RPGRIP1L: variants seen among roughly 807,000 people sequenced by gnomAD.
RPGRIP1L encodes the protein protein fantom.
RPGRIP1L carries 131 observed loss-of-function variants against 160.4 expected under a neutral mutation model. That is an observed-to-expected ratio of 0.82 (90% CI 0.71 to 0.94). The LOEUF (loss-of-function observed/expected upper bound fraction) is 0.94. RPGRIP1L is among the 40% of genes least tolerant of loss of function. RPGRIP1L has a pLI of 0.00. For missense variants in RPGRIP1L, 1,522 were observed against 1,535.8 expected (o/e 0.99, Z 0.15); for synonymous variants, 510 against 515.8 (o/e 0.99, Z 0.15).
intron 17 of RPGRIP1L, 33 bp from the exon 18 acceptor site, chr16:53,641,508 G>GAGTGA (rs745744806): frequency 1.3e-6 from 2 of 1,567,862 alleles, no homozygotes; most frequent in Non-Finnish European, 1.8e-6. Flanking sequence ...ATTAATGCTA[G>GAGTGA]AGTGAAGTTT....
chr16:53,619,404 C>G (rs1028463721), intron 23 of RPGRIP1L, among the ~76,000 whole-genome samples, 196 bp from the exon 24 acceptor site: 1 of 152,104 alleles, frequency 6.6e-6, no homozygotes, highest in African/African-American at 2.4e-5. Context: ...ATGCTAATGC[C>G]CCAGGGTTTG....
intron 24 of RPGRIP1L, among the ~76,000 whole-genome samples, chr16:53,616,518 C>A (rs561636279): frequency 3.3e-5 from 5 of 152,090 alleles, no homozygotes; most frequent in East Asian, 1.9e-4. Context: ...CTTCTAAGCA[C>A]GGAGTACATT....
At chr16:53,683,691 CAA>C (rs549418277) in intron 6 of RPGRIP1L, among the ~76,000 whole-genome samples, 10,770 of 77,216 alleles carry the variant, frequency 0.14, 1,043 homozygotes, top group African/African-American at 0.36. Context: ...ACACTTAGTT[CAA>C]AAAAAAAAAA....
At chr16:53,666,996 G>A (rs1480163945) in intron 9 of RPGRIP1L, among the ~76,000 whole-genome samples, 1 of 152,146 alleles carries the variant, frequency 6.6e-6, no homozygotes, top group South Asian at 2.1e-4. Flanking sequence ...AGCCATCTGT[G>A]TAACTATAAA....
Position 53,686,549 on chromosome 16 carries a change from G to T in RPGRIP1L, c.660C>A (p.Gly220=), listed in dbSNP as rs1335477798. The T allele has an allele frequency of 6.2e-7, 1 of 1,613,438 alleles. No individual in the cohort carries two copies. Among genetic ancestry groups the T allele is most frequent in the East Asian group, 2.2e-5 (1 of 44,834 alleles). The change falls in exon 6 of 27, where the codon GGC becomes GGA. Residue 220 remains glycine, a synonymous_variant. Transcript: ENST00000647211. ...NLENVIQSQR[G]QIEELEHLAE... ...CCAAGTGCTCTAACTCCTCTATCTGGCCTCTTTGTGACTGAATAACGTTTT... is the reference window on the plus strand; with the variant it reads ...CCAAGTGCTCTAACTCCTCTATCTGTCCTCTTTGTGACTGAATAACGTTTT...
intron 16 of RPGRIP1L, among the ~76,000 whole-genome samples, chr16:53,648,061 G>A (rs1301140720): frequency 7.6e-6 from 1 of 131,598 alleles, no homozygotes; most frequent in Non-Finnish European, 1.5e-5. Flanking sequence ...CAGAGATCAC[G>A]CCACTGCACT....
At chr16:53,702,981 A>G (rs993696857) in intron 1 of RPGRIP1L, among the ~76,000 whole-genome samples, 1 of 152,210 alleles carries the variant, frequency 6.6e-6, no homozygotes, top group Non-Finnish European at 1.5e-5. Flanking sequence ...TATTTATTGA[A>G]TGATTGGCTG....
At chr16:53,658,378 C>G (rs367793309) in intron 12 of RPGRIP1L, 36 bp downstream of exon 12, 2 of 1,493,334 alleles carry the variant, frequency 1.3e-6, no homozygotes, top group African/African-American at 2.8e-5. Flanking sequence ...CAGTTGTATG[C>G]AGACATGAAA....
chr16:53,629,455 C>G (rs1044761330), intron 22 of RPGRIP1L, among the ~76,000 whole-genome samples: 1 of 152,180 alleles, frequency 6.6e-6, no homozygotes, highest in Non-Finnish European at 1.5e-5. Context: ...GATGCTGATG[C>G]TGAACTCTGG....
chr16:53,641,370 T>C lies in RPGRIP1L; in HGVS notation c.2789A>G (p.Glu930Gly). The stretch of plus-strand genomic sequence containing the variant: ...GCTGCGAATGAAATTTCCTAAGTCT[T>C]CAGTTGTTATTGATCCACTTGGTGG... ...YLPPSGSITTEDLGNFIRSEE... is the reference protein window; with the variant it reads ...YLPPSGSITTGDLGNFIRSEE... The change falls in exon 18 of 27, where the codon GAA becomes GGA. Residue 930 changes from glutamate (E) to glycine (G), a missense_variant. Transcript: ENST00000647211. 1 of 1,614,114 alleles carries C rather than the reference T, an allele frequency of 6.2e-7. No homozygotes were observed.
At chr16:53,681,669 C>T (rs1969619739) in intron 6 of RPGRIP1L, among the ~76,000 whole-genome samples, 1 of 152,174 alleles carries the variant, frequency 6.6e-6, no homozygotes, top group South Asian at 2.1e-4. Context: ...CAGCACTGGG[C>T]TTTGACTTCA....
chr16:53,674,464 T>C (rs1003609809), intron 7 of RPGRIP1L, among the ~76,000 whole-genome samples: 1 of 152,084 alleles, frequency 6.6e-6, no homozygotes, highest in Non-Finnish European at 1.5e-5. Flanking sequence ...ATCCCAAGTA[T>C]TGTCAACCTG....
At chr16:53,660,345 A>C (rs1300812611) in intron 10 of RPGRIP1L, among the ~76,000 whole-genome samples, 3 of 152,224 alleles carry the variant, frequency 2.0e-5, no homozygotes, top group Non-Finnish European at 4.4e-5. Context: ...TTTTCTTAAA[A>C]AAATGAACAC....
chr16:53,647,932 C>T (rs556264369), intron 16 of RPGRIP1L, among the ~76,000 whole-genome samples: 136 of 151,774 alleles, frequency 9.0e-4, no homozygotes, highest in African/African-American at 3.2e-3. Context: ...AGTGAAACCC[C>T]GTCTCTACTA....
chr16:53,667,222 C>T (rs1345755258), intron 9 of RPGRIP1L, among the ~76,000 whole-genome samples: 5 of 152,170 alleles, frequency 3.3e-5, no homozygotes, highest in Non-Finnish European at 4.4e-5. Context: ...AGTGGAATGC[C>T]CATTGCTGCT....
intron 11 of RPGRIP1L, 29 bp from the exon 12 acceptor site, chr16:53,658,493 T>C (rs1246910632): frequency 1.3e-6 from 2 of 1,543,334 alleles, no homozygotes; most frequent in Non-Finnish European, 9.0e-7. Context: ...AAGCTCACAA[T>C]GAGTTATGAA....
chr16:53,648,111 A>G (rs1484699630), intron 16 of RPGRIP1L, among the ~76,000 whole-genome samples: 1 of 151,350 alleles, frequency 6.6e-6, no homozygotes, highest in African/African-American at 2.4e-5. Context: ...CTCAAAAAAA[A>G]AAAAAAAAAA....
At chr16:53,666,564 C>CTGTGTGTGTGTGTG (rs1003253635) in intron 9 of RPGRIP1L, among the ~76,000 whole-genome samples, 6 of 112,294 alleles carry the variant, frequency 5.3e-5, no homozygotes, top group African/African-American at 2.5e-4. Flanking sequence ...GTGAGTACAT[C>CTGTGTGTGTGTGTG]TATGTGTGTG....
chr16:53,671,488 A>G, intron 9 of RPGRIP1L, 22 bp downstream of exon 9: 1 of 1,467,078 alleles, frequency 6.8e-7, no homozygotes, highest in Non-Finnish European at 9.5e-7. Flanking sequence ...ACAATGAAAG[A>G]ACACATGGAA....
Sources: allele counts gnomAD v4.1 joint callset (sites outside exome capture counted in the v4.1 genomes callset), GRCh38; gene constraint gnomAD v4.1.1; transcripts MANE v1.5; gene names NCBI Gene and HGNC (gene_info 2026-07-23, HGNC 2026-07-21).